Variants in KIF15 observed in about 807,000 individuals in gnomAD.
The protein encoded by KIF15 is kinesin family member 15, also known as kinesin-like protein KIF15.
A neutral mutation model predicts 190.6 loss-of-function variants in KIF15; 140 were observed. The ratio of observed to expected loss-of-function variants is 0.73; its 90% CI spans 0.64 to 0.84. The LOEUF (loss-of-function observed/expected upper bound fraction) is 0.84. Among genes scored for constraint, KIF15 ranks in the 40% least tolerant of loss-of-function variants. The pLI is 0.00. For missense variants in KIF15, 1,372 were observed against 1,584.4 expected, an observed-to-expected ratio of 0.87 and a Z score of 2.28; for synonymous variants, 528 against 551.3, an observed-to-expected ratio of 0.96 and a Z score of 0.59.
chr3:44,859,359 G>A (rs1699216952), intron 6 of KIF15, among the ~76,000 whole-genome samples: 1 of 152,132 alleles, frequency 6.6e-6, no homozygotes. Flanking sequence ...TTTGAGGGCT[G>A]GAATCTAATT....
At chr3:44,847,702 T>C (rs1698909909) in intron 30 of KIF15, among the ~76,000 whole-genome samples, 1 of 152,246 alleles carries the variant, frequency 6.6e-6, no homozygotes, top group Admixed American at 6.5e-5. Flanking sequence ...ACTAAGTTTC[T>C]ACTGTATTTT....
At chr3:44,801,212 A>T (rs9311362) in intron 11 of KIF15, among the ~76,000 whole-genome samples, 10 of 125,248 alleles carry the variant, frequency 8.0e-5, no homozygotes, top group East Asian at 2.5e-4. Context: ...GGGCGGCGGG[A>T]GGGGGGGGTC....
chr3:44,807,933 TA>T (rs1436697714), intron 16 of KIF15, among the ~76,000 whole-genome samples: 14 of 152,066 alleles, frequency 9.2e-5, no homozygotes, highest in African/African-American at 3.4e-4. Context: ...TTTATTTATT[TA>T]TTTTTGGTTT....
chr3:44,775,209 C>T, intron 2 of KIF15, 45 bp from the exon 3 acceptor site: 4 of 1,488,580 alleles, frequency 2.7e-6, no homozygotes, highest in Admixed American at 1.9e-5. Context: ...TTTCAGTTTT[C>T]TTCTTCAATA....
chr3:44,866,762 A>G (rs1047558196), intron 6 of KIF15, among the ~76,000 whole-genome samples: 1 of 152,160 alleles, frequency 6.6e-6, no homozygotes, highest in Non-Finnish European at 1.5e-5. Context: ...CCACTCCAAC[A>G]AGAGTTCTCT....
intron 20 of KIF15, among the ~76,000 whole-genome samples, chr3:44,821,141 C>T (rs1487124616): frequency 6.8e-6 from 1 of 146,182 alleles, no homozygotes; most frequent in African/African-American, 2.6e-5. Context: ...GACCCCCCCA[C>T]CTCCCTCCCG....
At chr3:44,787,894 A>G (rs576231399) in intron 7 of KIF15, among the ~76,000 whole-genome samples, 35 of 152,072 alleles carry the variant, frequency 2.3e-4, no homozygotes, top group African/African-American at 8.2e-4. Context: ...TTGCTCTGTC[A>G]CCCAGGCTGG....
In KIF15 at chr3:44,801,462, C is replaced by T; in HGVS notation, c.1235C>T (p.Thr412Ile). The change falls in exon 12 of 35, where the codon ACT becomes ATT. Residue 412 changes from threonine (T) to isoleucine (I), a missense_variant. Thr to Ile is a moderately conservative substitution (Grantham distance 89, BLOSUM62 -1). Coordinates refer to ENST00000326047, the MANE Select transcript of KIF15 (RefSeq NM_020242.3). ...GGATCAATTACAGACAAAAAGAAGA[C>T]TAACTATATGGAGTATTTCCAGGAA... Reference protein sequence around the residue: ...ESFLTRDKKKTNYMEYFQEAM... With the variant: ...ESFLTRDKKKINYMEYFQEAM... 6.4e-7 allele frequency: 1 copy of T among 1,561,454 alleles called. No individual in the cohort carries two copies. The highest frequency in any genetic ancestry group is 8.8e-7 in the Non-Finnish European group (1 of 1,136,374).
In KIF15 at chr3:44,829,479, G is replaced by A. The variant is rs1242122435; in HGVS notation, c.2944-492G>A. On this transcript the variant is annotated intron_variant, in intron 24 of 34. Coordinates refer to ENST00000326047, the MANE Select transcript of KIF15 (RefSeq NM_020242.3). ...TATATAATATATATGTATATAATAT[G>A]TGTATATAATATATGCATATATAAT... Among the ~76,000 whole-genome samples, 11 of 127,476 alleles carry A rather than the reference G, an allele frequency of 8.6e-5. No homozygotes were observed. In the South Asian group the frequency reaches 1.3e-3, roughly 16 times the overall value. The allele number at this position is 127,476 out of a possible 152,430, so 83.6% of individuals were successfully genotyped here.
chr3:44,838,616 C>T (rs766757924), intron 27 of KIF15, among the ~76,000 whole-genome samples, 195 bp downstream of exon 27: 10 of 152,012 alleles, frequency 6.6e-5, no homozygotes, highest in South Asian at 4.2e-4. Context: ...GGCGTGGTGG[C>T]GCTCACCTGT....
At chr3:44,772,322 C>A (rs924932122) in intron 1 of KIF15, among the ~76,000 whole-genome samples, 2 of 152,134 alleles carry the variant, frequency 1.3e-5, no homozygotes, top group African/African-American at 4.8e-5. Flanking sequence ...ATTCCTGGGG[C>A]TCCATTAGGA....
At chr3:44,841,361 A>G (rs1464116171) in intron 29 of KIF15, 123 bp downstream of exon 29, 3 of 593,288 alleles carry the variant, frequency 5.1e-6, no homozygotes, top group South Asian at 2.4e-5. Flanking sequence ...CACTATAGGT[A>G]TATGCCACCA....
At chr3:44,789,227 T>G (rs1706553784) in intron 7 of KIF15, among the ~76,000 whole-genome samples, 2 of 152,150 alleles carry the variant, frequency 1.3e-5, no homozygotes, top group African/African-American at 4.8e-5. Context: ...TTTTACTTCT[T>G]AATACTTCTT....
intron 23 of KIF15, among the ~76,000 whole-genome samples, chr3:44,827,743 C>T (rs575902102): frequency 6.6e-5 from 10 of 152,164 alleles, no homozygotes; most frequent in South Asian, 2.1e-4. Flanking sequence ...AGTGCAGTGG[C>T]GCAGTGATGG....
At chr3:44,847,090 G>A (rs566191622) in intron 30 of KIF15, among the ~76,000 whole-genome samples, 1 of 152,318 alleles carries the variant, frequency 6.6e-6, no homozygotes, top group African/African-American at 2.4e-5. Flanking sequence ...CCTTGGATTA[G>A]TGGACAGAAA....
At position 44,805,915 on chromosome 3, in the gene KIF15, T is replaced by C; in HGVS notation, c.1900T>C (p.Leu634=). 1 of 1,614,178 alleles carries C rather than the reference T, an allele frequency of 6.2e-7. No individual in the cohort carries two copies. The highest frequency in any genetic ancestry group is 1.1e-5 in the South Asian group (1 of 91,086). ...AGCGAACCTTAATCTTGAAAACCTT[T>C]TGGAAGCAACAAAAGCCTGCAAGCG... is the stretch of plus-strand genomic sequence containing the variant. ...QKANLNLENL[L]EATKACKRQE... Residue 634 remains leucine, a synonymous_variant, in exon 16 of 35, where the codon TTG becomes CTG. Transcript: ENST00000326047.
At chr3:44,804,140 G>T (rs571288629) in intron 14 of KIF15, among the ~76,000 whole-genome samples, 1 of 152,114 alleles carries the variant, frequency 6.6e-6, no homozygotes, top group Non-Finnish European at 1.5e-5. Flanking sequence ...GAGCCCCAAC[G>T]CCTGACTTAG....
At chr3:44,774,086 C>T (rs1309368463) in intron 1 of KIF15, among the ~76,000 whole-genome samples, 1 of 152,186 alleles carries the variant, frequency 6.6e-6, no homozygotes, top group Non-Finnish European at 1.5e-5. Context: ...ATTTATTTCC[C>T]TTACTGTGCA....
chr3:44,858,250 T>C (rs1472813834), downstream of KIF15, among the ~76,000 whole-genome samples: 4 of 152,114 alleles, frequency 2.6e-5, no homozygotes, highest in African/African-American at 9.7e-5. Context: ...ATAGGCAAAA[T>C]AATTTGGTTG....
Sources: gnomAD v4.1 joint callset for allele counts (sites outside exome capture counted in the v4.1 genomes callset) on GRCh38, gnomAD v4.1.1 for gene constraint, MANE v1.5 for transcripts, NCBI Gene and HGNC (gene_info 2026-07-23, HGNC 2026-07-21) for gene names.